The following CD44 variants were observed in gnomAD, a reference collection of about 807,000 sequenced individuals.
The protein encoded by CD44 is CD44 antigen.
CD44 carries 49 observed loss-of-function variants against 88.8 expected under a neutral mutation model. The observed-to-expected ratio is 0.55, with a 90% CI of 0.44 to 0.70. CD44 has a LOEUF of 0.70. Ranked by LOEUF, CD44 falls within the 30% of genes least tolerant of loss-of-function variation. The pLI is 0.00. For synonymous variants in CD44, 325 were observed against 312.3 expected (o/e 1.04, Z -0.43); for missense variants, 883 against 913.8 (o/e 0.97, Z 0.43).
chr11:35,173,836 C>G (rs1167804995), intron 1 of CD44, among the ~76,000 whole-genome samples: 2 of 152,150 alleles, frequency 1.3e-5, no homozygotes, highest in Non-Finnish European at 2.9e-5. Context: ...GTGTGCCTCT[C>G]TCCTTTCTTC....
Position 35,206,106 on chromosome 11 carries a change from T to C in CD44, c.1283-6T>C, listed in dbSNP as rs1947812500. The C allele has an allele frequency of 6.2e-7, 1 of 1,601,852 alleles. No homozygotes were observed. The highest frequency in any genetic ancestry group is 8.5e-7 in the Non-Finnish European group (1 of 1,175,228). ...TTTGACAATTGCTCAAACTGCATGG[T>C]CACAGCAGCCTCAGCTCATACCAGC... On this transcript the variant is annotated splice_region_variant and splice_polypyrimidine_tract_variant and intron_variant, in intron 10 of 17. Transcript: ENST00000428726.
At chr11:35,155,444 A>G (rs560511885) in intron 1 of CD44, among the ~76,000 whole-genome samples, 1 of 152,240 alleles carries the variant, frequency 6.6e-6, no homozygotes, top group South Asian at 2.1e-4. Flanking sequence ...TCTGTGCCAC[A>G]CCCTCAACCT....
intron 16 of CD44, 112 bp from the exon 17 acceptor site, chr11:35,221,542 T>G: frequency 1.1e-6 from 1 of 877,086 alleles, no homozygotes; most frequent in Non-Finnish European, 1.9e-6. Flanking sequence ...CAGACCCCCC[T>G]GCAGCGCTGA....
chr11:35,152,981 G>A (rs1465727299), intron 1 of CD44, among the ~76,000 whole-genome samples: 1 of 152,202 alleles, frequency 6.6e-6, no homozygotes, highest in Non-Finnish European at 1.5e-5. Flanking sequence ...TTCAAAGAGG[G>A]AGAAGAGGAG....
intron 11 of CD44, 137 bp from the exon 12 acceptor site, chr11:35,207,968 C>T (rs978012545): frequency 6.5e-5 from 39 of 599,444 alleles, no homozygotes; most frequent in East Asian, 2.8e-4. Flanking sequence ...TATCTCAGTT[C>T]GGGAGATATA....
At chr11:35,215,949 T>C (rs1003851703) in intron 15 of CD44, among the ~76,000 whole-genome samples, 1 of 149,860 alleles carries the variant, frequency 6.7e-6, no homozygotes, top group Non-Finnish European at 1.5e-5. Context: ...TATGAACTCA[T>C]TCAGTCATCC....
At chr11:35,176,003 T>C (rs1254260115) in intron 1 of CD44, among the ~76,000 whole-genome samples, 2 of 150,602 alleles carry the variant, frequency 1.3e-5, no homozygotes, top group East Asian at 3.9e-4. Flanking sequence ...TAGCTGGGAC[T>C]ACAGGCATGT....
At chr11:35,188,964 C>A (rs1284046021) in intron 4 of CD44, among the ~76,000 whole-genome samples, 2 of 151,910 alleles carry the variant, frequency 1.3e-5, no homozygotes, top group Non-Finnish European at 2.9e-5. Context: ...TTCATTTGAG[C>A]AAGCTAAATA....
At chr11:35,207,008 T>C (rs982909857) in intron 11 of CD44, among the ~76,000 whole-genome samples, 1 of 152,230 alleles carries the variant, frequency 6.6e-6, no homozygotes, top group Admixed American at 6.5e-5. Flanking sequence ...TGGCTTCAAC[T>C]ACACAATGGT....
chr11:35,163,117 T>C (rs1191240941), intron 1 of CD44, among the ~76,000 whole-genome samples: 2 of 152,206 alleles, frequency 1.3e-5, no homozygotes, highest in African/African-American at 4.8e-5. Context: ...GCTAATATAT[T>C]TGAAGAAGGC....
chr11:35,163,685 G>A (rs1942919245), intron 1 of CD44, among the ~76,000 whole-genome samples: 2 of 152,072 alleles, frequency 1.3e-5, no homozygotes, highest in South Asian at 4.1e-4. Flanking sequence ...TTGGTCTCAT[G>A]GCTACTTCCT....
chr11:35,173,905 G>A (rs1397387833), intron 1 of CD44, among the ~76,000 whole-genome samples: 2 of 152,170 alleles, frequency 1.3e-5, no homozygotes, highest in African/African-American at 2.4e-5. Flanking sequence ...TCAAATCATG[G>A]GTTTGGGTGG....
chr11:35,159,679 A>C (rs1020277925), intron 1 of CD44, among the ~76,000 whole-genome samples: 2 of 152,210 alleles, frequency 1.3e-5, no homozygotes, highest in Admixed American at 1.3e-4. Context: ...GCAGCAAATG[A>C]CAACTGAATA....
chr11:35,168,704 A>G (rs949536601), intron 1 of CD44, among the ~76,000 whole-genome samples: 24 of 152,246 alleles, frequency 1.6e-4, no homozygotes, highest in Non-Finnish European at 2.8e-4. Flanking sequence ...GTTAGAAAAC[A>G]AATTAACTCA....
chr11:35,148,893 A>G (rs1398132475), intron 1 of CD44, among the ~76,000 whole-genome samples: 1 of 152,074 alleles, frequency 6.6e-6, no homozygotes, highest in African/African-American at 2.4e-5. Context: ...TTTCTGGTCT[A>G]TACAAATCTT....
At chr11:35,182,543 A>T (rs1446041543) in intron 3 of CD44, among the ~76,000 whole-genome samples, 1 of 152,226 alleles carries the variant, frequency 6.6e-6, no homozygotes, top group Non-Finnish European at 1.5e-5. Context: ...TACACGACTC[A>T]TACATACTCA....
chr11:35,222,266 G>T lies in CD44; in HGVS notation c.2024+534G>T, dbSNP rs534875097. 3.8e-5 allele frequency: 18 copies of T among 479,846 alleles called. No homozygotes were observed. The East Asian group carries it at 1.3e-3, about 34-fold the overall frequency. The allele number at this position is 479,846 out of a possible 1,614,324, so 29.7% of individuals were successfully genotyped here. A position where few individuals can be genotyped will look rare whatever the true frequency, so the allele number is the denominator to read the frequency against. On this transcript the variant is annotated intron_variant, in intron 17 of 17. Transcript: ENST00000428726. ...CTTTAAGAACTTTTACCAGAAGGAAGTATTGGCCTTGTGCTTTTGTTTGTC... is the reference window on the plus strand; with the variant it reads ...CTTTAAGAACTTTTACCAGAAGGAATTATTGGCCTTGTGCTTTTGTTTGTC...
chr11:35,204,804 C>A, intron 10 of CD44, 164 bp downstream of exon 10: 1 of 600,268 alleles, frequency 1.7e-6, no homozygotes, highest in Non-Finnish European at 2.9e-6. Flanking sequence ...CTTAAAGGCT[C>A]ATAACAAGTC....
At chr11:35,181,884 T>TTAA (rs1945084309) in intron 3 of CD44, among the ~76,000 whole-genome samples, 1 of 61,258 alleles carries the variant, frequency 1.6e-5, no homozygotes, top group African/African-American at 8.2e-5. Flanking sequence ...TTATATATAA[T>TTAA]TCTATATATA....
Sources: gnomAD v4.1 joint callset for allele counts (sites outside exome capture counted in the v4.1 genomes callset) on GRCh38, gnomAD v4.1.1 for gene constraint, MANE v1.5 for transcripts, NCBI Gene and HGNC (gene_info 2026-07-23, HGNC 2026-07-21) for gene names.